Variants in MYLK observed in about 807,000 individuals in gnomAD.
The protein encoded by MYLK is myosin light chain kinase, smooth muscle.
In MYLK, 106 loss-of-function variants were observed where a neutral mutation model predicts 203.4. The ratio of observed to expected loss-of-function variants is 0.52; its 90% CI spans 0.45 to 0.61. The LOEUF (loss-of-function observed/expected upper bound fraction) is 0.61, where lower values mean the gene tolerates loss of function less well. Among genes scored for constraint, MYLK ranks in the 20% least tolerant of loss-of-function variants. The pLI, the probability that MYLK is intolerant of heterozygous loss-of-function variation, is 0.00. For missense variants in MYLK, 2,072 were observed against 2,442.3 expected (o/e 0.85, Z 3.20); for synonymous variants, 867 against 959.5 (o/e 0.90, Z 1.78).
rs2057216939 is a variant in MYLK, at chr3:123,610,095, A to G, written c.*4010T>C. ...TCCAATACAATTGATGAAACTATAG[A>G]CCATACTCTCTAGACTTTCACACAA... On this transcript the variant is annotated 3_prime_UTR_variant, in exon 34 of 34. Coordinates refer to ENST00000360304, the MANE Select transcript of MYLK (RefSeq NM_053025.4). The G allele has an allele frequency of 6.6e-6, 1 of 152,266 alleles. No homozygotes were observed. The highest frequency in any genetic ancestry group is 6.5e-5 in the Admixed American group (1 of 15,286). 9.4% of individuals were successfully genotyped at this position (152,266 alleles called of 1,614,324 possible).
At chr3:123,836,602 T>G (rs991153340) in intron 2 of MYLK, among the ~76,000 whole-genome samples, 11 of 152,190 alleles carry the variant, frequency 7.2e-5, no homozygotes, top group African/African-American at 2.7e-4. Context: ...GGCTACCACA[T>G]GATGTTTGTG....
chr3:123,876,832 G>C (rs1400258407), intron 1 of MYLK, among the ~76,000 whole-genome samples: 1 of 152,168 alleles, frequency 6.6e-6, no homozygotes, highest in African/African-American at 2.4e-5. Context: ...CTGCTATGAG[G>C]AAACAGAGGC....
Position 123,860,464 on chromosome 3 carries a change from T to C in MYLK, c.-127+16095A>G, listed in dbSNP as rs115891412. Among the ~76,000 whole-genome samples, 1,114 of 152,280 alleles carry C rather than the reference T, an allele frequency of 7.3e-3. 14 individuals are homozygous for C. The highest frequency in any genetic ancestry group is 0.025 in the African/African-American group (1,044 of 41,558). Reference sequence around the variant, plus strand: ...GAATAAAATAAAGACCCACCTTCTCTAGAGGATCAGGGAGCCAAGGACATA... The same window carrying C: ...GAATAAAATAAAGACCCACCTTCTCCAGAGGATCAGGGAGCCAAGGACATA... On this transcript the variant is annotated intron_variant, in intron 2 of 33. Coordinates refer to ENST00000360304, the MANE Select transcript of MYLK (RefSeq NM_053025.4).
intron 13 of MYLK, among the ~76,000 whole-genome samples, chr3:123,712,989 G>C (rs573953589): frequency 3.0e-4 from 45 of 152,316 alleles, no homozygotes; most frequent in Non-Finnish European, 5.7e-4. Flanking sequence ...CATTTTTATA[G>C]GACCTGAGGC....
Position 123,620,242 on chromosome 3 carries a change from G to A in MYLK, c.5333C>T (p.Thr1778Ile). Residue 1778 changes from threonine to isoleucine, a missense_variant, in exon 32 of 34, where the codon ACC becomes ATC. Thr to Ile is a moderately conservative substitution (Grantham distance 89). Coordinates refer to ENST00000360304, the MANE Select transcript of MYLK (RefSeq NM_053025.4). The stretch of plus-strand genomic sequence containing the variant: ...TAGTTTTTCTGCATTGAGCGGGCTG[G>A]TTGGTGACCCTGTTGAGGATTTCCT... ...SGRKSSTGSPTSPLNAEKLES... is the reference protein window; with the variant it reads ...SGRKSSTGSPISPLNAEKLES... The A allele has an allele frequency of 6.2e-7, 1 of 1,614,174 alleles. No individual in the cohort carries two copies. The highest frequency in any genetic ancestry group is 8.5e-7 in the Non-Finnish European group (1 of 1,180,022).
At chr3:123,682,479 T>G (rs112381393) in intron 19 of MYLK, among the ~76,000 whole-genome samples, 169 bp from the exon 20 acceptor site, 1 of 152,200 alleles carries the variant, frequency 6.6e-6, no homozygotes, top group Admixed American at 6.5e-5. Flanking sequence ...TCACTCTCCA[T>G]GAGAGCATCA....
intron 2 of MYLK, among the ~76,000 whole-genome samples, chr3:123,846,898 C>A (rs949255227): frequency 1.3e-5 from 2 of 151,478 alleles, no homozygotes; most frequent in Non-Finnish European, 2.9e-5. Flanking sequence ...AAAATGGGAT[C>A]CTTTATCTAT....
At position 123,717,393 on chromosome 3, in the gene MYLK, A is replaced by C. The variant is rs541934049; in HGVS notation, c.1804+4735T>G. Reference sequence around the variant, plus strand: ...AAATACTCTAATAAATATGCTTGTTATATTTTATTATCTATTCTAGAGATG... The same window carrying C: ...AAATACTCTAATAAATATGCTTGTTCTATTTTATTATCTATTCTAGAGATG... On this transcript the variant is annotated intron_variant, in intron 13 of 33. Coordinates refer to ENST00000360304, the MANE Select transcript of MYLK (RefSeq NM_053025.4). 8.2e-4 allele frequency among the ~76,000 whole-genome samples: 125 copies of C among 152,366 alleles called. 1 individual carries two copies. The highest frequency in any genetic ancestry group is 1.5e-3 in the Non-Finnish European group (105 of 68,036).
intron 4 of MYLK, among the ~76,000 whole-genome samples, chr3:123,793,413 C>G (rs2064861205): frequency 6.6e-6 from 1 of 152,280 alleles, no homozygotes; most frequent in Admixed American, 6.5e-5. Flanking sequence ...ATAGCATGTA[C>G]CCAGAACACA....
chr3:123,743,425 A>T (rs1560162225), intron 5 of MYLK, among the ~76,000 whole-genome samples: 1 of 152,226 alleles, frequency 6.6e-6, no homozygotes, highest in Non-Finnish European at 1.5e-5. Context: ...AAAAGAATTT[A>T]GGCTAAAATT....
intron 5 of MYLK, among the ~76,000 whole-genome samples, chr3:123,748,572 A>G (rs1275106449): frequency 6.6e-6 from 1 of 152,230 alleles, no homozygotes; most frequent in Non-Finnish European, 1.5e-5. Flanking sequence ...TAAGTGTAAA[A>G]TACATCCCAG....
chr3:123,854,450 T>A (rs192390557), intron 2 of MYLK, among the ~76,000 whole-genome samples: 1 of 152,316 alleles, frequency 6.6e-6, no homozygotes, highest in African/African-American at 2.4e-5. Context: ...TACACACTTA[T>A]GAATTTTTTG....
chr3:123,797,333 C>T (rs1472426412), intron 3 of MYLK, among the ~76,000 whole-genome samples: 1 of 152,050 alleles, frequency 6.6e-6, no homozygotes, highest in Non-Finnish European at 1.5e-5. Context: ...TATATTCATT[C>T]ACTCAATTAA....
chr3:123,657,504 C>A, intron 23 of MYLK, 76 bp from the exon 24 acceptor site: 1 of 1,485,386 alleles, frequency 6.7e-7, no homozygotes, highest in Non-Finnish European at 9.2e-7. Context: ...TTACCTGTGT[C>A]ATGGGGGGAA....
At chr3:123,699,673 G>T (rs1447451509) in intron 18 of MYLK, among the ~76,000 whole-genome samples, 1 of 152,234 alleles carries the variant, frequency 6.6e-6, no homozygotes, top group Non-Finnish European at 1.5e-5. Context: ...CCGGAGCTTG[G>T]AATTAACTCA....
At chr3:123,760,802 CTTA>C (rs1165028654) in intron 4 of MYLK, among the ~76,000 whole-genome samples, 20 of 152,284 alleles carry the variant, frequency 1.3e-4, no homozygotes, top group African/African-American at 4.6e-4. Flanking sequence ...GTTGAATTGG[CTTA>C]TTATTTTTAT....
chr3:123,735,967 G>GT (rs902555203), intron 8 of MYLK, among the ~76,000 whole-genome samples: 4 of 151,978 alleles, frequency 2.6e-5, no homozygotes, highest in African/African-American at 9.7e-5. Context: ...GTTTTCTTTC[G>GT]TTTATTTGTT....
chr3:123,839,239 G>T (rs1454613569), intron 2 of MYLK, among the ~76,000 whole-genome samples: 1 of 152,028 alleles, frequency 6.6e-6, no homozygotes, highest in African/African-American at 2.4e-5. Context: ...ATTATAAATG[G>T]CCTAACTACA....
intron 4 of MYLK, among the ~76,000 whole-genome samples, chr3:123,768,550 A>G (rs1245965122): frequency 2.0e-5 from 3 of 152,220 alleles, no homozygotes; most frequent in Admixed American, 6.5e-5. Flanking sequence ...CCTTGGCCAC[A>G]GTGGGCCTAG....
Sources: gnomAD v4.1 joint callset for allele counts (sites outside exome capture counted in the v4.1 genomes callset) on GRCh38, gnomAD v4.1.1 for gene constraint, MANE v1.5 for transcripts, NCBI Gene and HGNC (gene_info 2026-07-23, HGNC 2026-07-21) for gene names.